The following MDH2 variants were observed in gnomAD, a reference collection of about 807,000 sequenced individuals.
The protein encoded by MDH2 is malate dehydrogenase 2, also known as malate dehydrogenase, mitochondrial.
A neutral mutation model predicts 33.6 loss-of-function variants in MDH2; 25 were observed. The ratio of observed to expected loss-of-function variants is 0.74; its 90% CI spans 0.54 to 1.04. The LOEUF (loss-of-function observed/expected upper bound fraction) is 1.04, where lower values mean the gene tolerates loss of function less well. Among genes scored for constraint, MDH2 ranks in the 50% least tolerant of loss-of-function variants. MDH2 has a pLI of 0.00. For synonymous variants in MDH2, 193 were observed against 188.7 expected (o/e 1.02, Z -0.19); for missense variants, 432 against 445.0 (o/e 0.97, Z 0.26).
chr7:76,048,682 G>T lies in MDH2; in HGVS notation c.66+456G>T, dbSNP rs1442456458. ...AATTCCATAGTATGGACAAACCGAG[G>T]CTAGAGAACTGGGCCAGGGTTACAG... On this transcript the variant is annotated intron_variant, in intron 1 of 8. Transcript: ENST00000315758. The T allele has an allele frequency of 2.4e-6, 3 of 1,244,274 alleles. No individual in the cohort carries two copies. The East Asian group carries it at 9.4e-5, about 39-fold the overall frequency. The allele number at this position is 1,244,274 out of a possible 1,614,324, so 77.1% of individuals were successfully genotyped here.
chr7:76,048,830 T>G (rs1031910267), intron 1 of MDH2: 3 of 1,211,602 alleles, frequency 2.5e-6, no homozygotes, highest in Non-Finnish European at 3.1e-6. Context: ...TTAACAGTGC[T>G]TGACTTGGCC....
intron 4 of MDH2, among the ~76,000 whole-genome samples, chr7:76,059,620 T>A (rs1298811301): frequency 6.6e-6 from 1 of 152,160 alleles, no homozygotes; most frequent in Non-Finnish European, 1.5e-5. Context: ...GGTCCTGGTG[T>A]CTGAGGATGA....
chr7:76,060,366 G>A lies in MDH2; in HGVS notation c.430-7G>A. On this transcript the variant is annotated splice_region_variant and splice_polypyrimidine_tract_variant and intron_variant, in intron 4 of 8. Coordinates refer to ENST00000315758, the MANE Select transcript of MDH2 (RefSeq NM_005918.4). Reference sequence around the variant, plus strand: ...GGCAAGCCATGCCTGTCTGTTGGATGTCCTAGGTTAATTCCACCATCCCCA... The same window carrying A: ...GGCAAGCCATGCCTGTCTGTTGGATATCCTAGGTTAATTCCACCATCCCCA... 2.5e-6 allele frequency: 4 copies of A among 1,613,964 alleles called. No individual in the cohort carries two copies. The highest frequency in any genetic ancestry group is 3.4e-6 in the Non-Finnish European group (4 of 1,179,912).
At chr7:76,055,830 A>AT (rs34519552) in intron 2 of MDH2, among the ~76,000 whole-genome samples, 82,754 of 141,906 alleles carry the variant, frequency 0.58, 24,608 homozygotes, top group South Asian at 0.66. Flanking sequence ...ATGTCACCAA[A>AT]TTTTTTTTTT....
rs371439165 is a variant in MDH2 at position 76,063,601 on chromosome 7, A to C, written c.633+9A>C. 222 of 1,613,374 alleles carry C rather than the reference A, an allele frequency of 1.4e-4. 1 individual carries two copies. In the African/African-American group the frequency reaches 2.5e-3, roughly 18 times the overall value. ...TCCCCCTGATCTCTCAGGTACACGC[A>C]TATGACCCTGTGAGGGGCTTCGAGG... On this transcript the variant is annotated intron_variant, in intron 6 of 8. Transcript: ENST00000315758.
rs556359093 is a variant in MDH2 at position 76,052,150 on chromosome 7, C to T, written c.67-2680C>T. Among the ~76,000 whole-genome samples the T allele has an allele frequency of 7.2e-5, 11 of 152,266 alleles. No individual in the cohort carries two copies. The East Asian group carries it at 1.4e-3, about 19-fold the overall frequency. On this transcript the variant is annotated intron_variant, in intron 1 of 8. Transcript: ENST00000315758. The stretch of plus-strand genomic sequence containing the variant: ...TAAGCACCCTAGCGAGGGCACAGGT[C>T]GGTCCATTTCTTGGTAGAGATTAAT...
chr7:76,064,994 G>T, intron 8 of MDH2, 41 bp downstream of exon 8: 1 of 1,608,404 alleles, frequency 6.2e-7, no homozygotes, highest in South Asian at 1.1e-5. Flanking sequence ...GTGGAATAAG[G>T]GGGCGTTCCC....
At chr7:76,058,196 C>CA (rs1439490077) in intron 4 of MDH2, 118 bp downstream of exon 4, 2 of 941,208 alleles carry the variant, frequency 2.1e-6, no homozygotes, top group Admixed American at 4.3e-5. Flanking sequence ...TGGGGGGATA[C>CA]ACAGATGAAG....
chr7:76,065,103 A>T, intron 8 of MDH2, 150 bp downstream of exon 8: 2 of 854,494 alleles, frequency 2.3e-6, no homozygotes, highest in Non-Finnish European at 3.6e-6. Context: ...CGCACACCCG[A>T]GAAAAAAGAG....
In MDH2 at chr7:76,067,329, T is replaced by C. The variant is rs1225841577; in HGVS notation, c.*919T>C. 1 of 152,116 alleles carries C rather than the reference T, an allele frequency of 6.6e-6. No homozygotes were observed. Among genetic ancestry groups the C allele is most frequent in the Non-Finnish European group, 1.5e-5 (1 of 68,018 alleles). 9.4% of individuals were successfully genotyped at this position (152,116 alleles called of 1,614,324 possible). ...TCAGTGGAAGAGGGAGGGCTGGAGG[T>C]GTGCCCAGTACTTGGATGTTCATCT... is the stretch of plus-strand genomic sequence containing the variant. On this transcript the variant is annotated 3_prime_UTR_variant, in exon 9 of 9. Coordinates refer to ENST00000315758, the MANE Select transcript of MDH2 (RefSeq NM_005918.4).
In MDH2 at chr7:76,060,463, A is replaced by T. The variant is rs201540528; in HGVS notation, c.520A>T (p.Ile174Phe). ...NKIFGVTTLD[I>F]VRANTFVAEL... ...AATCTTCGGCGTGACGACCCTGGAC[A>T]TCGTCAGAGCCAACACCTTTGTTGC... The change falls in exon 5 of 9, where the codon ATC becomes TTC. Residue 174 changes from isoleucine (I) to phenylalanine (F), a missense_variant. Transcript: ENST00000315758. 1 of 1,614,204 alleles carries T rather than the reference A, an allele frequency of 6.2e-7. No homozygotes were observed. The highest frequency in any genetic ancestry group is 2.2e-5 in the East Asian group (1 of 44,876).
intron 2 of MDH2, among the ~76,000 whole-genome samples, chr7:76,056,597 C>T (rs1356454804): frequency 6.6e-6 from 1 of 152,208 alleles, no homozygotes; most frequent in African/African-American, 2.4e-5. Flanking sequence ...GATATTGTAG[C>T]AAATTTCCCT....
rs541602740 is a variant in MDH2 at position 76,054,641 on chromosome 7, C to T, written c.67-189C>T. 36 of 680,376 alleles carry T rather than the reference C, an allele frequency of 5.3e-5. No individual in the cohort carries two copies. In the East Asian group the frequency reaches 8.0e-4, roughly 15 times the overall value. 42.1% of individuals were successfully genotyped at this position (680,376 alleles called of 1,614,324 possible). A position where few individuals can be genotyped will look rare whatever the true frequency, so the allele number is the denominator to read the frequency against. ...AGACTCTACAGACATAAATTCTCCCCATTTGAAAGTGGACCTTTGGAATGA... is the reference window on the plus strand; with the variant it reads ...AGACTCTACAGACATAAATTCTCCCTATTTGAAAGTGGACCTTTGGAATGA... On this transcript the variant is annotated intron_variant, in intron 1 of 8. Coordinates refer to ENST00000315758, the MANE Select transcript of MDH2 (RefSeq NM_005918.4).
rs3801471 is a variant in MDH2 at position 76,066,870 on chromosome 7, T to G, written c.*460T>G. On this transcript the variant is annotated 3_prime_UTR_variant, in exon 9 of 9. Coordinates refer to ENST00000315758, the MANE Select transcript of MDH2 (RefSeq NM_005918.4). Reference sequence around the variant, plus strand: ...CCTGGGGGTAGTTCACCCCCACGGGTTCATAGTTCAGCGGCGAATGCCAGG... The same window carrying G: ...CCTGGGGGTAGTTCACCCCCACGGGGTCATAGTTCAGCGGCGAATGCCAGG... 69,343 of 152,276 alleles carry G rather than the reference T, an allele frequency of 0.46. 18,741 individuals are homozygous for G. Among genetic ancestry groups the G allele is most frequent in the African/African-American group, 0.75 (31,076 of 41,524 alleles). The allele number at this position is 152,276 out of a possible 1,614,324, so 9.4% of individuals were successfully genotyped here. A position where few individuals can be genotyped will look rare whatever the true frequency, so the allele number is the denominator to read the frequency against.
chr7:76,052,261 GC>G (rs1797648747), intron 1 of MDH2, among the ~76,000 whole-genome samples: 1 of 152,042 alleles, frequency 6.6e-6, no homozygotes, highest in Admixed American at 6.6e-5. Flanking sequence ...TTTGAGACCA[GC>G]CTGGGCAGTG....
intron 5 of MDH2, among the ~76,000 whole-genome samples, chr7:76,061,534 G>A (rs1797949074): frequency 6.6e-6 from 1 of 152,194 alleles, no homozygotes. Context: ...CAGCACTTTG[G>A]GAGGCTGAGG....
chr7:76,048,957 G>A (rs1193947704), intron 1 of MDH2: 9 of 697,818 alleles, frequency 1.3e-5, no homozygotes, highest in South Asian at 6.8e-5. Flanking sequence ...AGACGTCTGG[G>A]TTCATTGAAG....
intron 2 of MDH2, 27 bp from the exon 3 acceptor site, chr7:76,057,383 A>G (rs1554586394): frequency 6.2e-7 from 1 of 1,612,794 alleles, no homozygotes; most frequent in Non-Finnish European, 8.5e-7. Context: ...AAACGGTGAC[A>G]TTTCTCTTGT....
At chr7:76,056,578 C>T (rs1797793503) in intron 2 of MDH2, among the ~76,000 whole-genome samples, 1 of 152,210 alleles carries the variant, frequency 6.6e-6, no homozygotes, top group African/African-American at 2.4e-5. Flanking sequence ...AAGATCGAAG[C>T]AGATTTTGGA....
Sources: gnomAD v4.1 joint callset for allele counts (sites outside exome capture counted in the v4.1 genomes callset) on GRCh38, gnomAD v4.1.1 for gene constraint, MANE v1.5 for transcripts, NCBI Gene and HGNC (gene_info 2026-07-23, HGNC 2026-07-21) for gene names.